The following SEPTIN7 variants were observed in gnomAD, a reference collection of about 807,000 sequenced individuals.
The protein encoded by SEPTIN7 is septin-7.
A neutral mutation model predicts 63.3 loss-of-function variants in SEPTIN7; 10 were observed. The observed-to-expected ratio is 0.16, with a 90% CI of 0.10 to 0.27. The LOEUF (loss-of-function observed/expected upper bound fraction) is 0.27, where lower values mean the gene tolerates loss of function less well. Ranked by LOEUF, SEPTIN7 falls within the 10% of genes least tolerant of loss-of-function variation. SEPTIN7 has a pLI of 1.00. For missense variants in SEPTIN7, 310 were observed against 521.0 expected (o/e 0.59, Z 3.94); for synonymous variants, 131 against 165.3 (o/e 0.79, Z 1.59).
At chr7:35,838,249 C>G (rs1784183710) in intron 3 of SEPTIN7, among the ~76,000 whole-genome samples, 2 of 6,158 alleles carry the variant, frequency 3.2e-4, no homozygotes, top group South Asian at 6.2e-3. Flanking sequence ...TCCTTCCTTC[C>G]TTCCTTCCTT....
At chr7:35,878,528 A>G (rs999528802) in intron 6 of SEPTIN7, among the ~76,000 whole-genome samples, 2 of 152,310 alleles carry the variant, frequency 1.3e-5, no homozygotes, top group East Asian at 1.9e-4. Flanking sequence ...TCATAACTCC[A>G]TAAGATTTGG....
the SEPTIN7 span, among the ~76,000 whole-genome samples, chr7:35,913,738 T>C: frequency 1.3e-5 from 2 of 152,088 alleles, no homozygotes; most frequent in Non-Finnish European, 2.9e-5. Context: ...TACAGATGCA[T>C]GCCACCATGC....
At chr7:35,883,128 T>G (rs1440536880) in intron 8 of SEPTIN7, among the ~76,000 whole-genome samples, 1 of 152,092 alleles carries the variant, frequency 6.6e-6, no homozygotes, top group South Asian at 2.1e-4. Context: ...ATTACATATT[T>G]GTATAAAGTT....
chr7:35,876,323 G>A (rs1786470199), intron 6 of SEPTIN7, among the ~76,000 whole-genome samples: 2 of 151,904 alleles, frequency 1.3e-5, no homozygotes. Context: ...TTAAAATTTT[G>A]GATTAACTGA....
At chr7:35,806,088 A>G (rs1788320713) in intron 1 of SEPTIN7, among the ~76,000 whole-genome samples, 2 of 152,364 alleles carry the variant, frequency 1.3e-5, no homozygotes, top group East Asian at 1.9e-4. Context: ...GTCTACAGAC[A>G]TTGCCAAATG....
intron 10 of SEPTIN7, 51 bp downstream of exon 10, chr7:35,885,930 A>G (rs1361183018): frequency 1.6e-6 from 2 of 1,260,666 alleles, no homozygotes; most frequent in Non-Finnish European, 2.3e-6. Flanking sequence ...TCCCTAAGTA[A>G]GAGTTGGACA....
intron 3 of SEPTIN7, among the ~76,000 whole-genome samples, chr7:35,841,122 G>A (rs187026649): frequency 1.2e-4 from 19 of 152,250 alleles, no homozygotes; most frequent in Non-Finnish European, 2.1e-4. Flanking sequence ...TCAGGAGGCT[G>A]AGGCAGGAGA....
chr7:35,880,668 A>G (rs1483387014), intron 7 of SEPTIN7, among the ~76,000 whole-genome samples: 1 of 151,468 alleles, frequency 6.6e-6, no homozygotes, highest in Non-Finnish European at 1.5e-5. Flanking sequence ...TTTGCTGCTT[A>G]TTTTTGTTTT....
chr7:35,828,655 G>A (rs1322715286), intron 1 of SEPTIN7, among the ~76,000 whole-genome samples: 4 of 152,188 alleles, frequency 2.6e-5, no homozygotes, highest in African/African-American at 7.2e-5. Flanking sequence ...AGGATTACAG[G>A]CATGAGCCAC....
At chr7:35,880,223 C>CTTTTTTTTTTTTTTTTTTTTTTTT in intron 7 of SEPTIN7, among the ~76,000 whole-genome samples, 225 of 72,814 alleles carry the variant, frequency 3.1e-3, no homozygotes, top group Middle Eastern at 9.4e-3. Context: ...TTTTTCTTTT[C>CTTTTTTTTTTTTTTTTTTTTTTTT]TTTTTTTTTT....
chr7:35,904,403 GA>G lies in SEPTIN7; in HGVS notation c.*111del. 1 of 772,324 alleles carries G rather than the reference GA, an allele frequency of 1.3e-6. No individual in the cohort carries two copies. Among genetic ancestry groups the G allele is most frequent in the Non-Finnish European group, 1.9e-6 (1 of 515,184 alleles). The allele number at this position is 772,324 out of a possible 1,614,324, so 47.8% of individuals were successfully genotyped here. ...TGCACCAGTTTTATCCATAATGATG[GA>G]TTTAACAGCATGACAAAAATTATTT... On this transcript the variant is annotated 3_prime_UTR_variant, in exon 14 of 14. Coordinates refer to ENST00000350320, the MANE Select transcript of SEPTIN7 (RefSeq NM_001788.6).
chr7:35,845,348 A>G (rs1290000020), intron 3 of SEPTIN7, among the ~76,000 whole-genome samples: 1 of 152,226 alleles, frequency 6.6e-6, no homozygotes, highest in Non-Finnish European at 1.5e-5. Context: ...ACGAGGAATG[A>G]AGAAAAGGGA....
rs934368560 is a variant in SEPTIN7 at position 35,877,485 on chromosome 7, G to A, written c.513-2338G>A. On this transcript the variant is annotated intron_variant, in intron 6 of 13. Coordinates refer to ENST00000350320, the MANE Select transcript of SEPTIN7 (RefSeq NM_001788.6). ...TGTTTCTCTTTCTTTATTTTAAAATGTCAGTCAATTCAATTATTAGTATGT... is the reference window on the plus strand; with the variant it reads ...TGTTTCTCTTTCTTTATTTTAAAATATCAGTCAATTCAATTATTAGTATGT... 4.2e-4 allele frequency among the ~76,000 whole-genome samples: 64 copies of A among 152,206 alleles called. 1 individual carries two copies. Among genetic ancestry groups the A allele is most frequent in the African/African-American group, 1.5e-3 (63 of 41,528 alleles).
chr7:35,904,133 G>A (rs558426964), intron 13 of SEPTIN7, 121 bp from the exon 14 acceptor site: 45 of 592,254 alleles, frequency 7.6e-5, no homozygotes, highest in African/African-American at 4.1e-4. Flanking sequence ...ATTTTTTTCA[G>A]TGAAAAAGTA....
chr7:35,805,787 A>C (rs550956932), intron 1 of SEPTIN7, among the ~76,000 whole-genome samples: 4 of 152,226 alleles, frequency 2.6e-5, no homozygotes, highest in Non-Finnish European at 4.4e-5. Context: ...GTGAAATATA[A>C]AGATGATATT....
chr7:35,877,556 T>A (rs1447832721), intron 6 of SEPTIN7, among the ~76,000 whole-genome samples: 1 of 152,230 alleles, frequency 6.6e-6, no homozygotes, highest in Non-Finnish European at 1.5e-5. Flanking sequence ...ATTTTTCTCA[T>A]GTTTTTATAA....
At chr7:35,908,678 C>CT (rs1788681084), downstream of SEPTIN7, among the ~76,000 whole-genome samples, 1 of 152,176 alleles carries the variant, frequency 6.6e-6, no homozygotes, top group African/African-American at 2.4e-5. Flanking sequence ...AACAAACTTC[C>CT]TTTTTGTTCT....
At chr7:35,821,431 A>G (rs1789403409) in intron 1 of SEPTIN7, among the ~76,000 whole-genome samples, 1 of 152,192 alleles carries the variant, frequency 6.6e-6, no homozygotes. Context: ...ATATTTTTCT[A>G]AAACCTTACT....
At chr7:35,848,317 G>A (rs544395946) in intron 3 of SEPTIN7, among the ~76,000 whole-genome samples, 1 of 152,200 alleles carries the variant, frequency 6.6e-6, no homozygotes. Flanking sequence ...GCCCAGGCTG[G>A]AGTACAGTGG....
Sources: gnomAD v4.1 joint callset for allele counts (sites outside exome capture counted in the v4.1 genomes callset) on GRCh38, gnomAD v4.1.1 for gene constraint, MANE v1.5 for transcripts, NCBI Gene and HGNC (gene_info 2026-07-23, HGNC 2026-07-21) for gene names.